The following PRR16 variants were observed in gnomAD, a reference collection of about 807,000 sequenced individuals.
PRR16 encodes protein Largen.
PRR16 carries 6 observed loss-of-function variants against 18.2 expected under a neutral mutation model. That is an observed-to-expected ratio of 0.33 (90% CI 0.18 to 0.65). PRR16 has a LOEUF of 0.65. Among genes scored for constraint, PRR16 ranks in the 30% least tolerant of loss-of-function variants. The probability of loss-of-function intolerance (pLI) is 0.74; values close to 1 mark genes in which losing one functional copy is unlikely to be tolerated. For synonymous variants in PRR16, 151 were observed against 147.8 expected (o/e 1.02, Z -0.16); for missense variants, 412 against 376.6 (o/e 1.09, Z -0.78).
chr5:120,562,270 C>T (rs1752599334), intron 1 of PRR16, among the ~76,000 whole-genome samples: 1 of 151,960 alleles, frequency 6.6e-6, no homozygotes, highest in African/African-American at 2.4e-5. Flanking sequence ...TTCTTGAAAT[C>T]TATTTTTTCT....
intron 1 of PRR16, among the ~76,000 whole-genome samples, chr5:120,632,416 A>G (rs1264249479): frequency 2.6e-5 from 4 of 152,200 alleles, no homozygotes; most frequent in Admixed American, 2.6e-4. Context: ...CAGAAGGTCA[A>G]TTATTGAGCT....
At chr5:120,774,600 C>T in the PRR16 span, among the ~76,000 whole-genome samples, 1 of 152,064 alleles carries the variant, frequency 6.6e-6, no homozygotes, top group Non-Finnish European at 1.5e-5. Flanking sequence ...GCACAACTGT[C>T]AATCCTGCTG....
intron 1 of PRR16, among the ~76,000 whole-genome samples, chr5:120,509,297 T>C (rs893243153): frequency 3.9e-5 from 6 of 152,088 alleles, no homozygotes; most frequent in Non-Finnish European, 7.4e-5. Context: ...TCTGTTGAGG[T>C]CTCTTCATCC....
chr5:120,608,496 A>G (rs536866167), intron 1 of PRR16, among the ~76,000 whole-genome samples: 32 of 152,362 alleles, frequency 2.1e-4, no homozygotes, highest in South Asian at 1.9e-3. Context: ...AGACAAAAAT[A>G]TAGACATGTT....
the PRR16 span, among the ~76,000 whole-genome samples, chr5:120,731,937 T>C: frequency 6.6e-6 from 1 of 152,136 alleles, no homozygotes. Context: ...GCCCTGAACA[T>C]AGCTGGCAAG....
At chr5:120,524,872 T>G (rs186486929) in intron 1 of PRR16, among the ~76,000 whole-genome samples, 198 of 152,236 alleles carry the variant, frequency 1.3e-3, no homozygotes, top group Non-Finnish European at 2.1e-3. Flanking sequence ...GTTGAACATT[T>G]GAAATGGCTG....
chr5:120,655,978 G>C (rs1181400580), intron 1 of PRR16, among the ~76,000 whole-genome samples: 1 of 151,742 alleles, frequency 6.6e-6, no homozygotes, highest in Non-Finnish European at 1.5e-5. Context: ...ACTGAACCGA[G>C]CCTTTTACCT....
downstream of PRR16, chr5:120,687,424 A>G (rs973449719): frequency 9.9e-5 from 15 of 152,228 alleles, no homozygotes; most frequent in African/African-American, 3.6e-4. Flanking sequence ...AGTGTATATC[A>G]GAATTTTCTA....
the PRR16 span, among the ~76,000 whole-genome samples, chr5:120,702,806 C>T: frequency 2.6e-5 from 4 of 152,038 alleles, no homozygotes; most frequent in Admixed American, 2.6e-4. Context: ...AAGAAGAGGC[C>T]GCTTACCTGA....
intron 1 of PRR16, among the ~76,000 whole-genome samples, chr5:120,554,924 G>A (rs1176888707): frequency 6.6e-6 from 1 of 151,866 alleles, no homozygotes; most frequent in African/African-American, 2.4e-5. Flanking sequence ...TCCAGTAAGG[G>A]GAAGGCATGA....
At chr5:120,566,418 T>C (rs990482318) in intron 1 of PRR16, among the ~76,000 whole-genome samples, 1 of 152,218 alleles carries the variant, frequency 6.6e-6, no homozygotes. Context: ...CTAGTGAATG[T>C]TACCAAACTA....
At chr5:120,581,444 T>A (rs1753268639) in intron 1 of PRR16, among the ~76,000 whole-genome samples, 1 of 152,168 alleles carries the variant, frequency 6.6e-6, no homozygotes, top group Non-Finnish European at 1.5e-5. Flanking sequence ...GTCTATCTAT[T>A]TTGTTAATTT....
chr5:120,650,033 C>A (rs1755721405), intron 1 of PRR16, among the ~76,000 whole-genome samples: 1 of 151,854 alleles, frequency 6.6e-6, no homozygotes. Context: ...TCCTGGCCAA[C>A]ACGATGAAAC....
chr5:120,658,831 T>C (rs1236199123), intron 1 of PRR16, among the ~76,000 whole-genome samples: 1 of 151,994 alleles, frequency 6.6e-6, no homozygotes, highest in Non-Finnish European at 1.5e-5. Context: ...AAATATAGTC[T>C]GAAATCAAAT....
intron 1 of PRR16, among the ~76,000 whole-genome samples, chr5:120,648,899 A>G (rs1453395462): frequency 6.6e-6 from 1 of 152,148 alleles, no homozygotes; most frequent in Non-Finnish European, 1.5e-5. Context: ...GCACACCTTT[A>G]TATGGAATTT....
intron 1 of PRR16, among the ~76,000 whole-genome samples, chr5:120,681,247 T>C (rs928568871): frequency 6.6e-6 from 1 of 152,160 alleles, no homozygotes; most frequent in East Asian, 1.9e-4. Flanking sequence ...TTAGATTTAT[T>C]GAGTTTCCTT....
At chr5:120,521,420 G>C (rs1751176336) in intron 1 of PRR16, among the ~76,000 whole-genome samples, 1 of 151,940 alleles carries the variant, frequency 6.6e-6, no homozygotes, top group African/African-American at 2.4e-5. Context: ...TGTGTACTTT[G>C]TTTCCATATG....
At chr5:120,557,340 G>A (rs915733625) in intron 1 of PRR16, among the ~76,000 whole-genome samples, 6 of 151,806 alleles carry the variant, frequency 4.0e-5, no homozygotes, top group African/African-American at 1.4e-4. Flanking sequence ...CTCAGAGTTT[G>A]TATAGCTCTA....
the PRR16 span, among the ~76,000 whole-genome samples, chr5:120,775,774 G>T: frequency 6.8e-6 from 1 of 147,242 alleles, no homozygotes; most frequent in South Asian, 2.1e-4. Context: ...GGGATTACAG[G>T]CACCTGCTGC....
Sources: allele counts gnomAD v4.1 joint callset (sites outside exome capture counted in the v4.1 genomes callset), GRCh38; gene constraint gnomAD v4.1.1; transcripts MANE v1.5; gene names NCBI Gene and HGNC (gene_info 2026-07-23, HGNC 2026-07-21).